STAG1: variants seen among roughly 807,000 people sequenced by gnomAD.
The protein encoded by STAG1 is STAG1 cohesin complex component, also known as cohesin subunit SA-1.
STAG1 carries 26 observed loss-of-function variants against 170.9 expected under a neutral mutation model. The ratio of observed to expected loss-of-function variants is 0.15; its 90% CI spans 0.11 to 0.21. The LOEUF is 0.21. STAG1 is among the 10% of genes least tolerant of loss of function. The probability of loss-of-function intolerance (pLI) is 1.00; values close to 1 mark genes in which losing one functional copy is unlikely to be tolerated. For synonymous variants in STAG1, 514 were observed against 497.7 expected, an observed-to-expected ratio of 1.03 and a Z score of -0.44; for missense variants, 964 against 1,509.5, an observed-to-expected ratio of 0.64 and a Z score of 5.99.
At chr3:136,620,573 A>T (rs1939797480) in intron 3 of STAG1, among the ~76,000 whole-genome samples, 1 of 152,214 alleles carries the variant, frequency 6.6e-6, no homozygotes, top group Admixed American at 6.5e-5. Flanking sequence ...CCTATTTCAT[A>T]ACACTAGTGT....
rs185824720 is a variant in STAG1, at chr3:136,336,749, C to G, written c.*1505G>C. ...TTGAGAAAAATGTTTTGTGTCTTTA[C>G]TAAAAGGATGAATAAAATCATCCAT... is the stretch of plus-strand genomic sequence containing the variant. On this transcript the variant is annotated 3_prime_UTR_variant, in exon 34 of 34. Coordinates refer to ENST00000383202, the MANE Select transcript of STAG1 (RefSeq NM_005862.3). The G allele has an allele frequency of 6.6e-6, 1 of 152,298 alleles. No individual in the cohort carries two copies. The highest frequency in any genetic ancestry group is 6.5e-5 in the Admixed American group (1 of 15,302). The allele number at this position is 152,298 out of a possible 1,614,324, so 9.4% of individuals were successfully genotyped here. A position where few individuals can be genotyped will look rare whatever the true frequency, so the allele number is the denominator to read the frequency against.
At chr3:136,470,126 C>G (rs1337699332) in intron 12 of STAG1, among the ~76,000 whole-genome samples, 1 of 152,076 alleles carries the variant, frequency 6.6e-6, no homozygotes, top group African/African-American at 2.4e-5. Context: ...AAAGCCAAAA[C>G]TGACAAATGG....
intron 7 of STAG1, among the ~76,000 whole-genome samples, chr3:136,511,002 C>T (rs577950697): frequency 2.2e-4 from 34 of 152,172 alleles, no homozygotes; most frequent in African/African-American, 7.9e-4. Flanking sequence ...GAACTCCTGA[C>T]CTCAAGTAAT....
chr3:136,534,025 G>A (rs1000433659), intron 6 of STAG1, among the ~76,000 whole-genome samples: 5 of 152,192 alleles, frequency 3.3e-5, no homozygotes, highest in Admixed American at 6.5e-5. Context: ...GGCTATATTC[G>A]CCAACAGAAC....
chr3:136,734,860 C>T (rs1408291764), intron 1 of STAG1, among the ~76,000 whole-genome samples: 4 of 152,086 alleles, frequency 2.6e-5, no homozygotes, highest in African/African-American at 7.2e-5. Flanking sequence ...TCCTGCCATT[C>T]GTGACAACAT....
intron 1 of STAG1, among the ~76,000 whole-genome samples, chr3:136,640,378 T>TC (rs927966514): frequency 2.0e-5 from 3 of 151,600 alleles, no homozygotes; most frequent in Non-Finnish European, 1.5e-5. Flanking sequence ...CTTTTTTTTT[T>TC]TTTTTTTTGA....
chr3:136,490,395 G>A (rs1442416985), intron 9 of STAG1, among the ~76,000 whole-genome samples: 3 of 152,072 alleles, frequency 2.0e-5, no homozygotes, highest in Admixed American at 2.0e-4. Context: ...TCTCATTTTT[G>A]TTGCTAATTA....
chr3:136,636,248 CA>C (rs145310398), intron 1 of STAG1, among the ~76,000 whole-genome samples: 261 of 132,752 alleles, frequency 2.0e-3, no homozygotes, highest in Middle Eastern at 3.8e-3. Context: ...AACTCTGTCT[CA>C]AAAAAAAAAA....
At chr3:136,543,136 G>T (rs901038257) in intron 5 of STAG1, among the ~76,000 whole-genome samples, 1 of 152,102 alleles carries the variant, frequency 6.6e-6, no homozygotes, top group Non-Finnish European at 1.5e-5. Context: ...TAGTAAAACT[G>T]GTTGCCTCCA....
intron 2 of STAG1, among the ~76,000 whole-genome samples, chr3:136,630,021 C>A (rs1362724312): frequency 6.6e-6 from 1 of 151,882 alleles, no homozygotes; most frequent in African/African-American, 2.4e-5. Context: ...CATAGTGAAA[C>A]CCGTCTCTAC....
intron 6 of STAG1, among the ~76,000 whole-genome samples, chr3:136,531,228 T>C (rs952187948): frequency 2.5e-4 from 38 of 150,342 alleles, no homozygotes; most frequent in African/African-American, 8.6e-4. Flanking sequence ...TCACACCAGT[T>C]AGAATGGCAA....
intron 7 of STAG1, 31 bp from the exon 8 acceptor site, chr3:136,502,810 T>A (rs1457730255): frequency 6.6e-7 from 1 of 1,509,168 alleles, no homozygotes; most frequent in Non-Finnish European, 8.9e-7. Context: ...ATAATACCTA[T>A]GAATCAAAAC....
intron 1 of STAG1, among the ~76,000 whole-genome samples, chr3:136,730,432 C>T (rs1211311835): frequency 6.6e-6 from 1 of 152,132 alleles, no homozygotes; most frequent in Non-Finnish European, 1.5e-5. Flanking sequence ...AACCACTTTC[C>T]AGCTATGTAA....
At chr3:136,572,496 G>A (rs1466854700) in intron 4 of STAG1, among the ~76,000 whole-genome samples, 1 of 151,492 alleles carries the variant, frequency 6.6e-6, no homozygotes, top group African/African-American at 2.4e-5. Flanking sequence ...GGGAGGCTGA[G>A]GTGAGAGATC....
chr3:136,708,146 A>G (rs2107915662), intron 1 of STAG1, among the ~76,000 whole-genome samples: 1 of 152,314 alleles, frequency 6.6e-6, no homozygotes, highest in South Asian at 2.1e-4. Context: ...ACTTCTAGGT[A>G]TACACCCAAG....
At chr3:136,540,002 G>T (rs1244141126) in intron 6 of STAG1, among the ~76,000 whole-genome samples, 1 of 151,738 alleles carries the variant, frequency 6.6e-6, no homozygotes, top group Non-Finnish European at 1.5e-5. Flanking sequence ...CTAGATTCTT[G>T]GGACCCAATG....
intron 22 of STAG1, among the ~76,000 whole-genome samples, chr3:136,392,816 G>T (rs834304): frequency 0.35 from 52,114 of 149,636 alleles, 11,385 homozygotes; most frequent in East Asian, 0.8. Context: ...TATTAACAGT[G>T]GTTATCTACA....
intron 3 of STAG1, among the ~76,000 whole-genome samples, chr3:136,616,224 G>A (rs183602258): frequency 1.4e-3 from 209 of 151,166 alleles, no homozygotes; most frequent in Admixed American, 8.2e-3. Context: ...AGCCGAGATC[G>A]CGCCACTGCA....
chr3:136,559,783 T>C (rs1936767194), intron 5 of STAG1, among the ~76,000 whole-genome samples: 1 of 152,066 alleles, frequency 6.6e-6, no homozygotes, highest in African/African-American at 2.4e-5. Context: ...AGAGGCTGAG[T>C]TTCAACAAGG....
Sources: allele counts gnomAD v4.1 joint callset (sites outside exome capture counted in the v4.1 genomes callset), GRCh38; gene constraint gnomAD v4.1.1; transcripts MANE v1.5; gene names NCBI Gene and HGNC (gene_info 2026-07-23, HGNC 2026-07-21).